The following CREBBP variants were observed in gnomAD, a reference collection of about 807,000 sequenced individuals.
CREBBP encodes CREB binding lysine acetyltransferase.
CREBBP carries 19 observed loss-of-function variants against 265.0 expected under a neutral mutation model. The ratio of observed to expected loss-of-function variants is 0.07; its 90% confidence interval spans 0.05 to 0.11. The LOEUF (loss-of-function observed/expected upper bound fraction) is 0.11, where lower values mean the gene tolerates loss of function less well. Among genes scored for constraint, CREBBP ranks in the 10% least tolerant of loss-of-function variants. CREBBP has a pLI of 1.00. For missense variants in CREBBP, 2,525 were observed against 3,219.0 expected (o/e 0.78, Z 5.22); for synonymous variants, 1,457 against 1,223.7 (o/e 1.19, Z -3.98).
intron 3 of CREBBP, among the ~76,000 whole-genome samples, chr16:3,798,812 C>T (rs979908247): frequency 1.3e-5 from 2 of 152,168 alleles, no homozygotes; most frequent in Non-Finnish European, 2.9e-5. Flanking sequence ...ACCACATGAC[C>T]TCTGCAATTC....
chr16:3,806,459 A>C (rs1485403323), intron 3 of CREBBP, among the ~76,000 whole-genome samples: 1 of 152,076 alleles, frequency 6.6e-6, no homozygotes, highest in Non-Finnish European at 1.5e-5. Context: ...TTCTTAAAAA[A>C]AAAAAAAAAT....
Position 3,793,524 on chromosome 16 carries a change from G to A in CREBBP, c.1078C>T (p.Leu360=). Residue 360 remains leucine, a synonymous_variant, in exon 4 of 31, where the codon CTA becomes TTA. Coordinates refer to ENST00000262367, the MANE Select transcript of CREBBP (RefSeq NM_004380.3). The part of the protein sequence containing the change: ...KRKLIQQQLV[L]LLHAHKCQRR... ...TGACACTTATGAGCATGAAGCAGTA[G>A]AACCAGCTGCTGCTGTATCAGTTTG... 1.2e-6 allele frequency: 2 copies of A among 1,614,194 alleles called. No individual in the cohort carries two copies. The highest frequency in any genetic ancestry group is 1.7e-6 in the Non-Finnish European group (2 of 1,180,046).
intron 2 of CREBBP, among the ~76,000 whole-genome samples, chr16:3,835,934 G>C (rs2054439795): frequency 6.6e-6 from 1 of 151,856 alleles, no homozygotes; most frequent in South Asian, 2.1e-4. Context: ...TCCATTAATG[G>C]GAGAACGGAC....
At chr16:3,845,439 A>G (rs1431253790) in intron 2 of CREBBP, among the ~76,000 whole-genome samples, 1 of 152,232 alleles carries the variant, frequency 6.6e-6, no homozygotes, top group African/African-American at 2.4e-5. Context: ...TGAAAAGAGA[A>G]TAAAGTGTAT....
chr16:3,849,421 GTGTGTGTGTGTGTGTGT>G (rs1567359992), intron 2 of CREBBP, among the ~76,000 whole-genome samples: 44 of 8,580 alleles, frequency 5.1e-3, no homozygotes, highest in African/African-American at 6.0e-3. Flanking sequence ...GTGTGTGTGT[GTGTGTGTGTGTGTGTGT>G]GTGTGTGTGT....
intron 1 of CREBBP, among the ~76,000 whole-genome samples, chr16:3,878,156 T>C (rs1232641869): frequency 6.6e-6 from 1 of 152,196 alleles, no homozygotes; most frequent in Non-Finnish European, 1.5e-5. Context: ...TACAAAGCCA[T>C]CCAGGTTACC....
At chr16:3,760,409 T>G (rs1044115152) in intron 16 of CREBBP, among the ~76,000 whole-genome samples, 16 of 135,600 alleles carry the variant, frequency 1.2e-4, no homozygotes, top group African/African-American at 4.0e-4. Context: ...TTTTTTTTTT[T>G]TTTTTTTTTT....
At chr16:3,841,168 G>A (rs2054559597) in intron 2 of CREBBP, among the ~76,000 whole-genome samples, 1 of 152,056 alleles carries the variant, frequency 6.6e-6, no homozygotes, top group Non-Finnish European at 1.5e-5. Flanking sequence ...TGATACTAGT[G>A]ATGTATAAGG....
chr16:3,764,335 G>A (rs2052795405), intron 16 of CREBBP, among the ~76,000 whole-genome samples: 1 of 152,038 alleles, frequency 6.6e-6, no homozygotes, highest in South Asian at 2.1e-4. Context: ...AGAACGCACT[G>A]GCACAATCAT....
chr16:3,818,217 C>G (rs777599644), intron 2 of CREBBP, among the ~76,000 whole-genome samples: 1 of 151,810 alleles, frequency 6.6e-6, no homozygotes, highest in South Asian at 2.1e-4. Flanking sequence ...AATGGCACTG[C>G]GACGCAGAAC....
chr16:3,733,304 G>T (rs954760700), intron 28 of CREBBP, among the ~76,000 whole-genome samples: 1 of 150,614 alleles, frequency 6.6e-6, no homozygotes, highest in African/African-American at 2.4e-5. Flanking sequence ...GGAGCTTGCA[G>T]TGAGCTGAGA....
intron 1 of CREBBP, among the ~76,000 whole-genome samples, chr16:3,874,619 C>T (rs773364722): frequency 4.6e-5 from 7 of 152,202 alleles, no homozygotes; most frequent in Non-Finnish European, 1.0e-4. Flanking sequence ...CAGAGGAAGT[C>T]TGCGGACCCA....
intron 20 of CREBBP, among the ~76,000 whole-genome samples, chr16:3,750,108 C>T (rs2052439268): frequency 6.6e-6 from 1 of 152,122 alleles, no homozygotes; most frequent in African/African-American, 2.4e-5. Flanking sequence ...AGGCTGAACT[C>T]AAACTCACCC....
At chr16:3,825,584 C>A (rs2054221328) in intron 2 of CREBBP, among the ~76,000 whole-genome samples, 1 of 147,424 alleles carries the variant, frequency 6.8e-6, no homozygotes, top group African/African-American at 2.5e-5. Context: ...GTTCAGTCCT[C>A]TTCTGACAAA....
intron 1 of CREBBP, among the ~76,000 whole-genome samples, chr16:3,867,553 T>C (rs1051419735): frequency 6.6e-6 from 1 of 152,126 alleles, no homozygotes; most frequent in African/African-American, 2.4e-5. Context: ...AACATTAAAA[T>C]TGTTTTGTGT....
At chr16:3,736,456 C>T in intron 27 of CREBBP, 194 bp downstream of exon 27, 1 of 862,908 alleles carries the variant, frequency 1.2e-6, no homozygotes, top group Non-Finnish European at 1.8e-6. Context: ...CTGTGCTGCT[C>T]TCAGACGGCC....
In CREBBP at chr16:3,757,390, G is replaced by C. The variant is rs2151382185; in HGVS notation, c.3610-14C>G. 6.3e-7 allele frequency: 1 copy of C among 1,593,884 alleles called. No homozygotes were observed. Among genetic ancestry groups the C allele is most frequent in the Non-Finnish European group, 8.6e-7 (1 of 1,163,826 alleles). ...GGAAAACTCATACTGCAAAAATAAA[G>C]GAGAAATACTTTTATATAAAAATAC... On this transcript the variant is annotated splice_polypyrimidine_tract_variant and intron_variant, in intron 18 of 30. Coordinates refer to ENST00000262367, the MANE Select transcript of CREBBP (RefSeq NM_004380.3).
In CREBBP at chr16:3,751,693, T is replaced by G. The variant is rs753291930; in HGVS notation, c.3779+33A>C. ...AAAAACAATTTAAGGTCACCCTCCC[T>G]CACCCCAGAGAAAATGACAGGACGG... On this transcript the variant is annotated intron_variant, in intron 20 of 30. Transcript: ENST00000262367. 10 of 1,604,160 alleles carry G rather than the reference T, an allele frequency of 6.2e-6. No individual in the cohort carries two copies. The Middle Eastern group carries it at 9.9e-4, about 159-fold the overall frequency.
At chr16:3,838,704 G>T (rs1440089333) in intron 2 of CREBBP, among the ~76,000 whole-genome samples, 2 of 152,116 alleles carry the variant, frequency 1.3e-5, no homozygotes, top group Admixed American at 1.3e-4. Flanking sequence ...TGCTAATTTT[G>T]TATAACAAAC....
Sources: allele counts gnomAD v4.1 joint callset (sites outside exome capture counted in the v4.1 genomes callset), GRCh38; gene constraint gnomAD v4.1.1; transcripts MANE v1.5; gene names NCBI Gene and HGNC (gene_info 2026-07-23, HGNC 2026-07-21).